METAP2: variants seen among roughly 807,000 people sequenced by gnomAD.
The protein encoded by METAP2 is methionyl aminopeptidase 2.
METAP2 carries 25 observed loss-of-function variants against 59.4 expected under a neutral mutation model. The observed-to-expected ratio is 0.42, with a 90% confidence interval of 0.31 to 0.59. METAP2 has a LOEUF of 0.59. METAP2 is among the 20% of genes least tolerant of loss of function. The pLI, the probability that METAP2 is intolerant of heterozygous loss-of-function variation, is 0.16. For synonymous variants in METAP2, 214 were observed against 194.1 expected (o/e 1.10, Z -0.85); for missense variants, 366 against 581.2 (o/e 0.63, Z 3.81).
At chr12:95,482,688 A>G (rs923820721) in intron 2 of METAP2, among the ~76,000 whole-genome samples, 1 of 151,724 alleles carries the variant, frequency 6.6e-6, no homozygotes, top group African/African-American at 2.4e-5. Flanking sequence ...TGGGAGGTGG[A>G]GGCTGAGACA....
chr12:95,504,023 T>G, intron 7 of METAP2, 42 bp from the exon 8 acceptor site: 1 of 1,466,228 alleles, frequency 6.8e-7, no homozygotes, highest in African/African-American at 1.4e-5. Context: ...CTATGAAAAT[T>G]TTGCACTTTG....
At chr12:95,503,208 T>C (rs956645416) in intron 7 of METAP2, among the ~76,000 whole-genome samples, 8 of 152,218 alleles carry the variant, frequency 5.3e-5, no homozygotes, top group African/African-American at 1.7e-4. Flanking sequence ...AGCATTTCTT[T>C]CAGATTTTTT....
intron 8 of METAP2, among the ~76,000 whole-genome samples, chr12:95,506,792 A>G (rs1424806924): frequency 3.0e-5 from 3 of 99,218 alleles, no homozygotes; most frequent in South Asian, 4.0e-4. Context: ...GCAAAGCAGA[A>G]TACTTATTTA....
chr12:95,505,398 G>A (rs1354112666), intron 8 of METAP2, among the ~76,000 whole-genome samples: 2 of 152,118 alleles, frequency 1.3e-5, no homozygotes, highest in South Asian at 4.1e-4. Context: ...TGCAATCTCG[G>A]CTCACTGCAA....
At chr12:95,494,863 T>C in intron 5 of METAP2, 94 bp from the exon 6 acceptor site, 1 of 984,910 alleles carries the variant, frequency 1.0e-6, no homozygotes, top group Non-Finnish European at 1.4e-6. Flanking sequence ...TTAAGGTTTT[T>C]AGTAAACTTT....
intron 4 of METAP2, 33 bp from the exon 5 acceptor site, chr12:95,494,023 T>G (rs767176764): frequency 4.1e-5 from 65 of 1,588,820 alleles, no homozygotes; most frequent in Non-Finnish European, 5.4e-5. Context: ...TCTGCTGTTT[T>G]ATCACTAATA....
intron 10 of METAP2, among the ~76,000 whole-genome samples, chr12:95,513,132 C>CACACACACACACA (rs1491107316): frequency 6.8e-6 from 1 of 147,900 alleles, no homozygotes; most frequent in Admixed American, 6.7e-5. Flanking sequence ...CACACACACA[C>CACACACACACACA]AAGTGCTCTC....
rs200799325 is a variant in METAP2, at chr12:95,504,053, C to A, written c.868-12C>A. 3 of 1,600,250 alleles carry A rather than the reference C, an allele frequency of 1.9e-6. No individual in the cohort carries two copies. Among genetic ancestry groups the A allele is most frequent in the Non-Finnish European group, 1.7e-6 (2 of 1,173,442 alleles). ...ACTTTGAATAATAAAGCATATGTTA[C>A]TCTTTTTTTAGTGTGCTGGAATTGA... On this transcript the variant is annotated splice_polypyrimidine_tract_variant and intron_variant, in intron 7 of 10. Coordinates refer to ENST00000323666, the MANE Select transcript of METAP2 (RefSeq NM_006838.4).
intron 4 of METAP2, among the ~76,000 whole-genome samples, chr12:95,488,010 C>T (rs2140145307): frequency 6.6e-6 from 1 of 152,232 alleles, no homozygotes; most frequent in East Asian, 1.9e-4. Context: ...ATTTTTCTCT[C>T]TTTCTCATGT....
chr12:95,501,540 C>A (rs1185096046), intron 7 of METAP2, among the ~76,000 whole-genome samples: 2 of 152,018 alleles, frequency 1.3e-5, no homozygotes, highest in South Asian at 4.1e-4. Flanking sequence ...CGTGGTGAAA[C>A]CCCGTCTCTA....
chr12:95,504,243 A>C, intron 8 of METAP2, 82 bp downstream of exon 8: 1 of 890,876 alleles, frequency 1.1e-6, no homozygotes, highest in Non-Finnish European at 1.8e-6. Context: ...CAGCTGCTTC[A>C]TGTTTCTATC....
intron 7 of METAP2, 65 bp downstream of exon 7, chr12:95,496,163 T>A: frequency 9.8e-7 from 1 of 1,015,642 alleles, no homozygotes; most frequent in South Asian, 1.5e-5. Flanking sequence ...TTTTAAACAC[T>A]TAACAGCATT....
chr12:95,475,533 A>G (rs1331331291), intron 1 of METAP2, among the ~76,000 whole-genome samples: 4 of 152,222 alleles, frequency 2.6e-5, no homozygotes, highest in Non-Finnish European at 5.9e-5. Context: ...CATGTAACAT[A>G]TTGCTCTTAT....
chr12:95,476,832 AT>A (rs879529186), intron 2 of METAP2, among the ~76,000 whole-genome samples: 3 of 152,144 alleles, frequency 2.0e-5, no homozygotes, highest in Non-Finnish European at 4.4e-5. Flanking sequence ...TTCCTAGGTT[AT>A]TTTCACATAC....
intron 7 of METAP2, among the ~76,000 whole-genome samples, chr12:95,496,819 TTC>T (rs2076278747): frequency 7.1e-6 from 1 of 140,362 alleles, no homozygotes; most frequent in Non-Finnish European, 1.5e-5. Flanking sequence ...AACTTTTTCT[TTC>T]TTTTTTTTTT....
rs2076442759 is a variant in METAP2 at position 95,515,682 on chromosome 12, G to A, written c.*1778G>A. 1 of 152,310 alleles carries A rather than the reference G, an allele frequency of 6.6e-6. No homozygotes were observed. The highest frequency in any genetic ancestry group is 3.4e-3 in the Middle Eastern group (1 of 294). 9.4% of individuals were successfully genotyped at this position (152,310 alleles called of 1,614,324 possible). ...TAATGGCTGGAAGGGACATGATCTT[G>A]TAAGTAGGAAAGCTGTAACTAAAAA... On this transcript the variant is annotated 3_prime_UTR_variant, in exon 11 of 11. Coordinates refer to ENST00000323666, the MANE Select transcript of METAP2 (RefSeq NM_006838.4).
chr12:95,483,010 A>G (rs2076170112), intron 2 of METAP2, among the ~76,000 whole-genome samples: 1 of 152,198 alleles, frequency 6.6e-6, no homozygotes, highest in Non-Finnish European at 1.5e-5. Flanking sequence ...CAGCTTCCCT[A>G]GTAGCTGGGA....
At chr12:95,508,767 A>G (rs547482243) in intron 8 of METAP2, among the ~76,000 whole-genome samples, 15 of 152,296 alleles carry the variant, frequency 9.8e-5, no homozygotes, top group Admixed American at 4.6e-4. Context: ...TAATAATTCC[A>G]GCCTGCAACA....
At chr12:95,475,658 C>G (rs2076112863) in intron 1 of METAP2, among the ~76,000 whole-genome samples, 1 of 152,136 alleles carries the variant, frequency 6.6e-6, no homozygotes. Context: ...TTTACCCAGC[C>G]CATCGTGATA....
Sources: gnomAD v4.1 joint callset for allele counts (sites outside exome capture counted in the v4.1 genomes callset) on GRCh38, gnomAD v4.1.1 for gene constraint, MANE v1.5 for transcripts, NCBI Gene and HGNC (gene_info 2026-07-23, HGNC 2026-07-21) for gene names.